Variants in MRPS28 observed in about 807,000 individuals in gnomAD.
MRPS28 encodes small ribosomal subunit protein bS1m.
MRPS28 carries 7 observed loss-of-function variants against 10.8 expected under a neutral mutation model. That is an observed-to-expected ratio of 0.65 (90% CI 0.37 to 1.22). The LOEUF is 1.22. MRPS28 is among the 50% of genes most tolerant of loss of function. The pLI, the probability that MRPS28 is intolerant of heterozygous loss-of-function variation, is 0.02. For synonymous variants in MRPS28, 121 were observed against 93.3 expected, an observed-to-expected ratio of 1.30 and a Z score of -1.71; for missense variants, 265 against 232.9, an observed-to-expected ratio of 1.14 and a Z score of -0.90.
At chr8:79,985,244 C>A (rs575973819) in intron 2 of MRPS28, among the ~76,000 whole-genome samples, 1 of 152,276 alleles carries the variant, frequency 6.6e-6, no homozygotes, top group East Asian at 1.9e-4. Context: ...AAAGACACAA[C>A]ATACCGGAAT....
chr8:80,019,981 A>C (rs1376231081), intron 1 of MRPS28, among the ~76,000 whole-genome samples: 1 of 152,206 alleles, frequency 6.6e-6, no homozygotes, highest in Non-Finnish European at 1.5e-5. Flanking sequence ...GCTTGGTTTT[A>C]TACAATTTAG....
At chr8:79,999,523 G>A (rs978537519) in intron 2 of MRPS28, among the ~76,000 whole-genome samples, 3 of 152,188 alleles carry the variant, frequency 2.0e-5, no homozygotes, top group African/African-American at 7.2e-5. Context: ...AAGAACCTAG[G>A]CATTTCTACG....
At chr8:80,018,753 A>G (rs1809272500) in intron 1 of MRPS28, among the ~76,000 whole-genome samples, 1 of 152,232 alleles carries the variant, frequency 6.6e-6, no homozygotes, top group Non-Finnish European at 1.5e-5. Flanking sequence ...AGTGCCCATC[A>G]ACAGATGAAT....
At chr8:80,009,069 T>C (rs1345064917) in intron 1 of MRPS28, among the ~76,000 whole-genome samples, 1 of 152,192 alleles carries the variant, frequency 6.6e-6, no homozygotes, top group Non-Finnish European at 1.5e-5. Context: ...ATGTGGCACA[T>C]ATACACCATG....
chr8:80,006,446 C>G (rs1228572577), intron 1 of MRPS28, among the ~76,000 whole-genome samples: 1 of 152,010 alleles, frequency 6.6e-6, no homozygotes, highest in East Asian at 1.9e-4. Flanking sequence ...GAGACAGAGA[C>G]ACAAAAAAAC....
chr8:79,964,878 C>T (rs1323767462), intron 2 of MRPS28, among the ~76,000 whole-genome samples: 2 of 151,972 alleles, frequency 1.3e-5, no homozygotes, highest in African/African-American at 4.8e-5. Flanking sequence ...AGCCCTACAG[C>T]GAAGGAAGTG....
At chr8:79,924,456 G>A (rs1419517316) in intron 2 of MRPS28, among the ~76,000 whole-genome samples, 1 of 152,168 alleles carries the variant, frequency 6.6e-6, no homozygotes, top group Non-Finnish European at 1.5e-5. Flanking sequence ...GAGTAAGTAG[G>A]AATGTGTGTG....
At chr8:79,925,539 G>T (rs1586038079) in intron 2 of MRPS28, among the ~76,000 whole-genome samples, 1 of 152,054 alleles carries the variant, frequency 6.6e-6, no homozygotes, top group East Asian at 1.9e-4. Flanking sequence ...TTCAAGCATT[G>T]ATTTATTTTA....
At chr8:79,947,696 G>A (rs1427134965) in intron 2 of MRPS28, among the ~76,000 whole-genome samples, 4 of 144,798 alleles carry the variant, frequency 2.8e-5, no homozygotes, top group African/African-American at 7.7e-5. Context: ...GTGCAGTGGC[G>A]CGATCTCAGG....
chr8:79,937,226 TTTA>T (rs1283944174), intron 2 of MRPS28, among the ~76,000 whole-genome samples: 5 of 152,330 alleles, frequency 3.3e-5, no homozygotes, highest in African/African-American at 1.2e-4. Flanking sequence ...CAGACAGGAA[TTTA>T]TTATCATTGA....
chr8:79,983,251 A>G (rs1407897049), intron 2 of MRPS28, among the ~76,000 whole-genome samples: 1 of 152,126 alleles, frequency 6.6e-6, no homozygotes, highest in Non-Finnish European at 1.5e-5. Context: ...CAGAAAGGAC[A>G]TCCACACCAA....
At chr8:79,986,914 G>A (rs946886390) in intron 2 of MRPS28, among the ~76,000 whole-genome samples, 2 of 152,036 alleles carry the variant, frequency 1.3e-5, no homozygotes, top group African/African-American at 4.8e-5. Flanking sequence ...TCACAGAATT[G>A]GAAAAAACTA....
At chr8:79,958,248 G>T in intron 2 of MRPS28, 1 of 593,410 alleles carries the variant, frequency 1.7e-6, no homozygotes, top group South Asian at 2.1e-5. Flanking sequence ...CATATAAATG[G>T]AATCATACAA....
intron 1 of MRPS28, among the ~76,000 whole-genome samples, chr8:80,008,473 G>A (rs567202749): frequency 1.4e-4 from 22 of 152,154 alleles, no homozygotes; most frequent in East Asian, 9.7e-4. Flanking sequence ...AACTACCATC[G>A]GAGTGAACAG....
chr8:80,018,485 T>A (rs545902417), intron 1 of MRPS28, among the ~76,000 whole-genome samples: 1 of 152,066 alleles, frequency 6.6e-6, no homozygotes, highest in African/African-American at 2.4e-5. Flanking sequence ...CCAGCAGTAA[T>A]ACATGCTGAT....
intron 1 of MRPS28, among the ~76,000 whole-genome samples, chr8:80,016,417 A>C (rs72684001): frequency 0.02 from 3,044 of 152,088 alleles, 38 homozygotes; most frequent in Middle Eastern, 0.027. Flanking sequence ...AGGAAACAAA[A>C]AAAAAAAATA....
At chr8:80,015,542 T>C (rs1000422201) in intron 1 of MRPS28, among the ~76,000 whole-genome samples, 5 of 152,164 alleles carry the variant, frequency 3.3e-5, no homozygotes, top group Admixed American at 6.6e-5. Flanking sequence ...CATAAGACTA[T>C]AGAACACTTT....
In MRPS28 at chr8:79,943,967, T is replaced by TC. The variant is rs3215183; in HGVS notation, c.396-24820dup. 5.7e-3 allele frequency among the ~76,000 whole-genome samples: 862 copies of TC among 152,256 alleles called. 11 individuals are homozygous for TC. The highest frequency in any genetic ancestry group is 0.056 in the East Asian group (291 of 5,174). ...TAGTTCATTTTAGCCATAGTAAAAA[T>TC]CTACATTCCAGATTTGGCCACCGTA... On this transcript the variant is annotated intron_variant, in intron 2 of 2. Coordinates refer to ENST00000276585, the MANE Select transcript of MRPS28 (RefSeq NM_014018.3).
At chr8:80,010,457 T>A (rs1809007423) in intron 1 of MRPS28, among the ~76,000 whole-genome samples, 1 of 152,222 alleles carries the variant, frequency 6.6e-6, no homozygotes, top group African/African-American at 2.4e-5. Flanking sequence ...TAAACTCAAA[T>A]GCCAGGCCAG....
Sources: gnomAD v4.1 joint callset for allele counts (sites outside exome capture counted in the v4.1 genomes callset) on GRCh38, gnomAD v4.1.1 for gene constraint, MANE v1.5 for transcripts, NCBI Gene and HGNC (gene_info 2026-07-23, HGNC 2026-07-21) for gene names.